Variants in HS6ST2 observed in about 807,000 individuals in gnomAD.
HS6ST2 encodes the protein heparan sulfate 6-O-sulfotransferase 2.
In HS6ST2, 17 loss-of-function variants were observed where a neutral mutation model predicts 33.0. The ratio of observed to expected loss-of-function variants is 0.52; its 90% CI spans 0.35 to 0.77. The LOEUF is 0.77. HS6ST2 is among the 30% of genes least tolerant of loss of function. HS6ST2 has a pLI of 0.01. For synonymous variants in HS6ST2, 248 were observed against 237.1 expected, an observed-to-expected ratio of 1.05 and a Z score of -0.42; for missense variants, 519 against 551.7, an observed-to-expected ratio of 0.94 and a Z score of 0.59.
At position 132,743,055 on chromosome X, in the gene HS6ST2, C is replaced by G. The variant is rs1352980405; in HGVS notation, c.948-34561G>C. Reference sequence around the variant, plus strand: ...AGATGGTGGCATGATTAAGCACCATCATGTGTCTCTGCAACACACAACGCC... The same window carrying G: ...AGATGGTGGCATGATTAAGCACCATGATGTGTCTCTGCAACACACAACGCC... On this transcript the variant is annotated intron_variant, in intron 2 of 4. Coordinates refer to ENST00000370833, the MANE Select transcript of HS6ST2 (RefSeq NM_001394073.1). Among the ~76,000 whole-genome samples the G allele has an allele frequency of 4.5e-5, 5 of 112,165 alleles. 1 individual carries two copies. The highest frequency in any genetic ancestry group is 1.6e-4 in the African/African-American group (5 of 30,862).
rs749656048 is a variant in HS6ST2, at chrX:132,957,259, C to T, written c.496G>A (p.Val166Met). The change falls in exon 2 of 5, where the codon GTG (valine) becomes ATG (methionine). Residue 166 changes from valine (V) to methionine (M), a missense_variant. Physicochemically the swap from Val to Met is conservative, Grantham distance 21. Transcript: ENST00000370833. ...LALVMLFLFAVIVLQYVCPGT... is the reference protein window; with the variant it reads ...LALVMLFLFAMIVLQYVCPGT... ...GGGCACACGTATTGGAGGACGATCA[C>T]GGCAAATAGGAAGAGCATCACCAAA... 1 of 1,191,158 alleles carries T rather than the reference C, an allele frequency of 8.4e-7. No individual in the cohort carries two copies. The highest frequency in any genetic ancestry group is 1.9e-5 in the South Asian group (1 of 53,120).
chrX:132,791,001 G>A (rs1329657948), intron 2 of HS6ST2, among the ~76,000 whole-genome samples: 1 of 109,301 alleles, frequency 9.1e-6, no homozygotes, highest in East Asian at 2.9e-4. Context: ...TTTTTAATTA[G>A]CCAAATGTGG....
At chrX:132,877,339 C>T (rs772890228) in intron 2 of HS6ST2, among the ~76,000 whole-genome samples, 3 of 112,622 alleles carry the variant, frequency 2.7e-5, no homozygotes, top group South Asian at 7.4e-4. Context: ...AAATGTACTA[C>T]GTGTGTTTGC....
In HS6ST2 at chrX:132,669,186, C is replaced by A; in HGVS notation, c.994G>T (p.Gly332Cys). The change falls in exon 4 of 5, where the codon GGT (glycine) becomes TGT (cysteine). Residue 332 changes from glycine to cysteine, a missense_variant. Coordinates refer to ENST00000370833, the MANE Select transcript of HS6ST2 (RefSeq NM_001394073.1). ...GCGCCTGCGTTAGTGTTTGGAGAACCCCGTTTATCCTTACTATACCCACAG... is the reference window on the plus strand; with the variant it reads ...GCGCCTGCGTTAGTGTTTGGAGAACACCGTTTATCCTTACTATACCCACAG... ...ILDAASKDKRGSPNTNAGANS... is the reference protein window; with the variant it reads ...ILDAASKDKRCSPNTNAGANS... 8.3e-7 allele frequency: 1 copy of A among 1,206,786 alleles called. No homozygotes were observed. The highest frequency in any genetic ancestry group is 1.8e-5 in the South Asian group (1 of 56,282).
chrX:132,903,968 A>T (rs775049459), intron 2 of HS6ST2, among the ~76,000 whole-genome samples: 3 of 112,099 alleles, frequency 2.7e-5, no homozygotes, highest in Non-Finnish European at 5.6e-5. Context: ...TGCAGTAAGC[A>T]CCCATGTGGC....
chrX:132,732,782 TC>T (rs1338014380), intron 2 of HS6ST2, among the ~76,000 whole-genome samples: 1 of 111,876 alleles, frequency 8.9e-6, no homozygotes, highest in Admixed American at 9.5e-5. Flanking sequence ...CTCGGCTATG[TC>T]TTTATTAGCA....
At chrX:132,701,278 C>G (rs978236691) in intron 3 of HS6ST2, among the ~76,000 whole-genome samples, 2 of 112,093 alleles carry the variant, frequency 1.8e-5, no homozygotes, top group Non-Finnish European at 3.8e-5. Flanking sequence ...TCACTTCTTT[C>G]TCTATACCCC....
At chrX:132,812,079 C>T (rs2065351642) in intron 2 of HS6ST2, among the ~76,000 whole-genome samples, 1 of 109,086 alleles carries the variant, frequency 9.2e-6, no homozygotes, top group African/African-American at 3.3e-5. Flanking sequence ...TTCTCCGCAT[C>T]CTCAACAATA....
intron 2 of HS6ST2, among the ~76,000 whole-genome samples, chrX:132,740,475 T>C (rs2064560727): frequency 9.0e-6 from 1 of 111,224 alleles, no homozygotes; most frequent in Middle Eastern, 4.7e-3. Flanking sequence ...AGCGGGGGTG[T>C]GGGGGTGCTG....
intron 4 of HS6ST2, among the ~76,000 whole-genome samples, chrX:132,632,379 T>C (rs2063524320): frequency 9.0e-6 from 1 of 111,028 alleles, no homozygotes; most frequent in Non-Finnish European, 1.9e-5. Context: ...GTGTTGGAAG[T>C]AGGAAGGCAG....
chrX:132,718,593 G>A (rs1409260421), intron 2 of HS6ST2, among the ~76,000 whole-genome samples: 1 of 110,935 alleles, frequency 9.0e-6, no homozygotes, highest in Non-Finnish European at 1.9e-5. Context: ...CCTACTTACT[G>A]TACAAGGCTG....
intron 2 of HS6ST2, among the ~76,000 whole-genome samples, chrX:132,860,122 G>A (rs2065896837): frequency 1.8e-5 from 2 of 111,778 alleles, no homozygotes; most frequent in South Asian, 7.5e-4. Context: ...GGGACACGGT[G>A]GGTAATTTGT....
intron 2 of HS6ST2, among the ~76,000 whole-genome samples, chrX:132,885,237 C>G: frequency 9.0e-6 from 1 of 111,453 alleles, no homozygotes; most frequent in African/African-American, 3.3e-5. Context: ...TGGTGGGAAA[C>G]AGAAATGAGA....
intron 2 of HS6ST2, among the ~76,000 whole-genome samples, chrX:132,850,233 A>T (rs1445457689): frequency 8.9e-6 from 1 of 112,223 alleles, no homozygotes; most frequent in Non-Finnish European, 1.9e-5. Flanking sequence ...TAAAGCCCAC[A>T]TCGTAGTCAA....
At chrX:132,876,692 G>T (rs889851082) in intron 2 of HS6ST2, among the ~76,000 whole-genome samples, 3 of 110,490 alleles carry the variant, frequency 2.7e-5, no homozygotes, top group Non-Finnish European at 5.7e-5. Flanking sequence ...AGAGGCAGAA[G>T]AGTGAGTGAC....
chrX:132,884,217 G>A (rs1211933518), intron 2 of HS6ST2, among the ~76,000 whole-genome samples: 1 of 111,348 alleles, frequency 9.0e-6, no homozygotes, highest in Non-Finnish European at 1.9e-5. Context: ...GTGTGAAACT[G>A]GTTATCTCTG....
intron 2 of HS6ST2, among the ~76,000 whole-genome samples, chrX:132,809,179 G>A (rs2065314361): frequency 9.0e-6 from 1 of 111,337 alleles, no homozygotes; most frequent in Non-Finnish European, 1.9e-5. Flanking sequence ...AGTAGAGACT[G>A]GGTTTCCCCA....
chrX:132,642,376 T>C (rs2063607573), intron 4 of HS6ST2, among the ~76,000 whole-genome samples: 1 of 111,196 alleles, frequency 9.0e-6, no homozygotes, highest in South Asian at 3.9e-4. Context: ...AGCCCTGGGT[T>C]GATTTTAATG....
In HS6ST2 at chrX:132,649,070, G is replaced by A. The variant is rs1044772609; in HGVS notation, c.1068-19977C>T. Among the ~76,000 whole-genome samples the A allele has an allele frequency of 3.6e-5, 4 of 112,216 alleles. No individual in the cohort carries two copies. In the Admixed American group the frequency reaches 3.8e-4, roughly 11 times the overall value. Reference sequence around the variant, plus strand: ...ATTTTTCTACTAAGCAAACTTTTCAGTGGCAAAACAGATTGCCTCCATAAT... The same window carrying A: ...ATTTTTCTACTAAGCAAACTTTTCAATGGCAAAACAGATTGCCTCCATAAT... On this transcript the variant is annotated intron_variant, in intron 4 of 4. Coordinates refer to ENST00000370833, the MANE Select transcript of HS6ST2 (RefSeq NM_001394073.1).
Sources: allele counts gnomAD v4.1 joint callset (sites outside exome capture counted in the v4.1 genomes callset), GRCh38; gene constraint gnomAD v4.1.1; transcripts MANE v1.5; gene names NCBI Gene and HGNC (gene_info 2026-07-23, HGNC 2026-07-21).